The following NALF1 variants were observed in gnomAD, a reference collection of about 807,000 sequenced individuals.
NALF1 encodes family with sequence similarity 155 member A.
Under a neutral mutation model 48.4 loss-of-function variants are expected in NALF1, and 3 were observed. That is an observed-to-expected ratio of 0.06 (90% confidence interval 0.03 to 0.16). NALF1 has a LOEUF of 0.16. Among genes scored for constraint, NALF1 ranks in the 10% least tolerant of loss-of-function variants. The pLI, the probability that NALF1 is intolerant of heterozygous loss-of-function variation, is 1.00. For synonymous variants in NALF1, 262 were observed against 245.7 expected, an observed-to-expected ratio of 1.07 and a Z score of -0.62; for missense variants, 526 against 571.5, an observed-to-expected ratio of 0.92 and a Z score of 0.81.
rs1480617669 is a variant in NALF1 at position 107,169,569 on chromosome 13, C to G, written c.*928G>C. The G allele has an allele frequency of 6.6e-6, 1 of 152,238 alleles. No homozygotes were observed. Among genetic ancestry groups the G allele is most frequent in the Non-Finnish European group, 1.5e-5 (1 of 68,048 alleles). 9.4% of individuals were successfully genotyped at this position (152,238 alleles called of 1,614,324 possible). Reference sequence around the variant, plus strand: ...ATTCTAGATAGCTGCTCCTGTCCAACTGGACCAGCAAGAAAGGGCTGGGCC... The same window carrying G: ...ATTCTAGATAGCTGCTCCTGTCCAAGTGGACCAGCAAGAAAGGGCTGGGCC... On this transcript the variant is annotated 3_prime_UTR_variant, in exon 3 of 3. Coordinates refer to ENST00000375915, the MANE Select transcript of NALF1 (RefSeq NM_001080396.3).
intron 1 of NALF1, among the ~76,000 whole-genome samples, chr13:107,429,692 TAAG>T (rs1414061272): frequency 2.0e-5 from 3 of 152,110 alleles, no homozygotes; most frequent in Non-Finnish European, 4.4e-5. Context: ...TTGAAACTAG[TAAG>T]AAACAAGATG....
At chr13:107,231,713 G>A (rs1880229939) in intron 1 of NALF1, among the ~76,000 whole-genome samples, 1 of 152,160 alleles carries the variant, frequency 6.6e-6, no homozygotes, top group Non-Finnish European at 1.5e-5. Flanking sequence ...ATTGTTTTGT[G>A]ACTTGGAATA....
chr13:107,830,017 G>A (rs760748863), intron 1 of NALF1, among the ~76,000 whole-genome samples: 1 of 152,050 alleles, frequency 6.6e-6, no homozygotes, highest in Non-Finnish European at 1.5e-5. Context: ...ACCCTAACTC[G>A]CAGAAGATTA....
chr13:107,782,814 T>C (rs902764506), intron 1 of NALF1, among the ~76,000 whole-genome samples: 3 of 148,772 alleles, frequency 2.0e-5, no homozygotes, highest in African/African-American at 7.5e-5. Context: ...CCCCTCCGCT[T>C]GGCAACCGCC....
chr13:107,403,028 G>A (rs1594156994), intron 1 of NALF1, among the ~76,000 whole-genome samples: 1 of 151,846 alleles, frequency 6.6e-6, no homozygotes, highest in African/African-American at 2.4e-5. Context: ...GGAAGTTAGA[G>A]CTTTCTCACC....
intron 1 of NALF1, among the ~76,000 whole-genome samples, chr13:107,464,516 A>T (rs1566353179): frequency 6.6e-6 from 1 of 150,596 alleles, no homozygotes; most frequent in South Asian, 2.1e-4. Flanking sequence ...TGCAATACAA[A>T]TTTTTTTTTT....
At chr13:107,380,388 T>A (rs572349103) in intron 1 of NALF1, among the ~76,000 whole-genome samples, 1 of 152,268 alleles carries the variant, frequency 6.6e-6, no homozygotes, top group Admixed American at 6.5e-5. Context: ...GAAACTCTTG[T>A]ATAAGGACAG....
At chr13:107,634,082 C>G (rs540400849) in intron 1 of NALF1, among the ~76,000 whole-genome samples, 1 of 151,860 alleles carries the variant, frequency 6.6e-6, no homozygotes, top group African/African-American at 2.4e-5. Flanking sequence ...TACTTTAGTC[C>G]TTTATGAAAT....
At chr13:107,199,250 G>C (rs1879458226) in intron 2 of NALF1, among the ~76,000 whole-genome samples, 1 of 152,188 alleles carries the variant, frequency 6.6e-6, no homozygotes, top group Non-Finnish European at 1.5e-5. Context: ...ACCATGTGAA[G>C]ACACAGCGAG....
chr13:107,568,388 T>A (rs1877880568), intron 1 of NALF1, among the ~76,000 whole-genome samples: 1 of 152,218 alleles, frequency 6.6e-6, no homozygotes, highest in Non-Finnish European at 1.5e-5. Flanking sequence ...TTAGGGGCTA[T>A]CACAAATACA....
chr13:107,167,201 A>G lies in NALF1; in HGVS notation c.*3296T>C, dbSNP rs1268775133. The stretch of plus-strand genomic sequence containing the variant: ...TTCTTGGTTTTCAACTTGCTTGCAG[A>G]AATAATTATTTTAATATTGTAGTTC... On this transcript the variant is annotated 3_prime_UTR_variant, in exon 3 of 3. Transcript: ENST00000375915. 6.6e-6 allele frequency: 1 copy of G among 152,108 alleles called. No homozygotes were observed. 9.4% of individuals were successfully genotyped at this position (152,108 alleles called of 1,614,324 possible).
intron 1 of NALF1, among the ~76,000 whole-genome samples, chr13:107,686,008 A>G (rs1370630200): frequency 1.3e-5 from 2 of 152,254 alleles, no homozygotes; most frequent in African/African-American, 4.8e-5. Flanking sequence ...CATGAAGAAC[A>G]TAAAATAGGC....
intron 2 of NALF1, among the ~76,000 whole-genome samples, chr13:107,198,266 TC>T (rs1439507838): frequency 6.6e-6 from 1 of 152,174 alleles, no homozygotes; most frequent in African/African-American, 2.4e-5. Context: ...TCTAAAGTCT[TC>T]CAATTATTAA....
At chr13:107,535,388 G>A (rs1257813792) in intron 1 of NALF1, among the ~76,000 whole-genome samples, 2 of 152,086 alleles carry the variant, frequency 1.3e-5, no homozygotes, top group Non-Finnish European at 2.9e-5. Context: ...TTTTTAGCAT[G>A]AAGGGCTGTT....
At chr13:107,796,946 T>C (rs1437734273) in intron 1 of NALF1, among the ~76,000 whole-genome samples, 4 of 152,128 alleles carry the variant, frequency 2.6e-5, no homozygotes, top group Non-Finnish European at 5.9e-5. Context: ...GTCATACTCA[T>C]ACCTTTATTC....
chr13:107,301,281 G>C (rs1237681509), intron 1 of NALF1, among the ~76,000 whole-genome samples: 1 of 151,968 alleles, frequency 6.6e-6, no homozygotes, highest in Non-Finnish European at 1.5e-5. Flanking sequence ...TTAATTCATA[G>C]ACCAAAACAA....
At chr13:107,851,779 T>C (rs938449491) in intron 1 of NALF1, among the ~76,000 whole-genome samples, 3 of 150,668 alleles carry the variant, frequency 2.0e-5, no homozygotes, top group African/African-American at 7.3e-5. Flanking sequence ...ACAATGCTTT[T>C]GGATTAAGGG....
intron 1 of NALF1, among the ~76,000 whole-genome samples, chr13:107,845,101 T>G (rs985291959): frequency 1.3e-5 from 2 of 152,200 alleles, no homozygotes; most frequent in African/African-American, 2.4e-5. Flanking sequence ...TAGTTCAAAA[T>G]ATCTGGGAAT....
At chr13:107,645,312 T>C (rs748694680) in intron 1 of NALF1, among the ~76,000 whole-genome samples, 15 of 152,098 alleles carry the variant, frequency 9.9e-5, no homozygotes, top group Non-Finnish European at 1.6e-4. Context: ...TATCAAAGTG[T>C]TTTTCAGTGT....
Sources: gnomAD v4.1 joint callset for allele counts (sites outside exome capture counted in the v4.1 genomes callset) on GRCh38, gnomAD v4.1.1 for gene constraint, MANE v1.5 for transcripts, NCBI Gene and HGNC (gene_info 2026-07-23, HGNC 2026-07-21) for gene names.